Variants in ADGRL1 observed in about 807,000 individuals in gnomAD.
ADGRL1 encodes the protein CIRL-1.
Under a neutral mutation model 148.9 loss-of-function variants are expected in ADGRL1, and 31 were observed. The observed-to-expected ratio is 0.21, with a 90% CI of 0.16 to 0.28. The LOEUF is 0.28. Among genes scored for constraint, ADGRL1 ranks in the 10% least tolerant of loss-of-function variants. The pLI is 1.00. For missense variants in ADGRL1, 1,521 were observed against 2,058.8 expected (o/e 0.74, Z 5.05); for synonymous variants, 937 against 900.3 (o/e 1.04, Z -0.73).
chr19:14,159,085 C>G lies in ADGRL1; in HGVS notation c.2149+5G>C. 1 of 1,613,708 alleles carries G rather than the reference C, an allele frequency of 6.2e-7. No individual in the cohort carries two copies. The highest frequency in any genetic ancestry group is 8.5e-7 in the Non-Finnish European group (1 of 1,180,010). On this transcript the variant is annotated splice_donor_5th_base_variant and intron_variant, in intron 11 of 22. Coordinates refer to ENST00000361434, the MANE Select transcript of ADGRL1 (RefSeq NM_014921.5). This position sits in a 1 kb window ranked among gnomAD's most constrained non-coding sequence, Gnocchi z 6.0. ...CCCACCCGAGGCCCCGCCGGGGACACTGACCATTGCGGCTGTTCTGCTTGA... is the reference window on the plus strand; with the variant it reads ...CCCACCCGAGGCCCCGCCGGGGACAGTGACCATTGCGGCTGTTCTGCTTGA...
intron 1 of ADGRL1, among the ~76,000 whole-genome samples, chr19:14,204,864 A>C (rs1448955934): frequency 1.3e-5 from 2 of 152,010 alleles, no homozygotes; most frequent in Non-Finnish European, 2.9e-5. Flanking sequence ...CCCAGCTCTG[A>C]GTCCGGTGGA....
Position 14,171,022 on chromosome 19 carries a change from G to C in ADGRL1, c.285-231C>G, listed in dbSNP as rs1970427133. The C allele has an allele frequency of 2.5e-5, 12 of 478,822 alleles. 1 individual carries two copies. In the South Asian group the frequency reaches 2.6e-4, roughly 10 times the overall value. The allele number at this position is 478,822 out of a possible 1,614,324, so 29.7% of individuals were successfully genotyped here. A position where few individuals can be genotyped will look rare whatever the true frequency, so the allele number is the denominator to read the frequency against. ...GGTGGGAGGTGATTGGATCATGGGG[G>C]CAGTTTCTAATGAATGGTTTATCAC... On this transcript the variant is annotated intron_variant, in intron 3 of 22. Coordinates refer to ENST00000361434, the MANE Select transcript of ADGRL1 (RefSeq NM_014921.5).
chr19:14,176,337 T>A (rs368631737), intron 3 of ADGRL1, among the ~76,000 whole-genome samples: 1 of 152,076 alleles, frequency 6.6e-6, no homozygotes, highest in Non-Finnish European at 1.5e-5. Flanking sequence ...GGTGACAGAC[T>A]GAGACTCTGT....
At position 14,160,495 on chromosome 19, in the gene ADGRL1, G is replaced by T; in HGVS notation, c.1614+98C>A. On this transcript the variant is annotated intron_variant, in intron 7 of 22. Transcript: ENST00000361434. The surrounding 1 kb of genome is among the most constrained non-coding windows in gnomAD (Gnocchi z 5.9). ...CCCCACAGTCCTGCCTTCCAGACCTGCCAGCCCATGTCTCCCCAGCTGCTC... is the reference window on the plus strand; with the variant it reads ...CCCCACAGTCCTGCCTTCCAGACCTTCCAGCCCATGTCTCCCCAGCTGCTC... 9.9e-7 allele frequency: 1 copy of T among 1,009,144 alleles called. No individual in the cohort carries two copies. The highest frequency in any genetic ancestry group is 1.6e-5 in the African/African-American group (1 of 61,640). The allele number at this position is 1,009,144 out of a possible 1,614,324, so 62.5% of individuals were successfully genotyped here.
rs1967974244 is a variant in ADGRL1 at position 14,149,800 on chromosome 19, T to G, written c.*1073A>C. The G allele has an allele frequency of 6.6e-6, 1 of 152,236 alleles. No homozygotes were observed. Among genetic ancestry groups the G allele is most frequent in the Non-Finnish European group, 1.5e-5 (1 of 67,936 alleles). The allele number at this position is 152,236 out of a possible 1,614,324, so 9.4% of individuals were successfully genotyped here. On this transcript the variant is annotated 3_prime_UTR_variant, in exon 23 of 23. Coordinates refer to ENST00000361434, the MANE Select transcript of ADGRL1 (RefSeq NM_014921.5). Reference sequence around the variant, plus strand: ...CGCCCGCCCCGGCGGGGACTGGGGATGCACGTACACGGAGAAGTCCTGGCT... The same window carrying G: ...CGCCCGCCCCGGCGGGGACTGGGGAGGCACGTACACGGAGAAGTCCTGGCT...
intron 2 of ADGRL1, among the ~76,000 whole-genome samples, chr19:14,179,383 A>G (rs1201075267): frequency 1.3e-5 from 2 of 151,968 alleles, no homozygotes; most frequent in South Asian, 4.1e-4. Context: ...AGTCCCAGCT[A>G]CTTGGGAGGC....
Position 14,155,515 on chromosome 19 carries a change from C to T in ADGRL1, c.3138G>A (p.Leu1046=), listed in dbSNP as rs1446041086. 1 of 1,613,578 alleles carries T rather than the reference C, an allele frequency of 6.2e-7. No individual in the cohort carries two copies. Among genetic ancestry groups the T allele is most frequent in the Non-Finnish European group, 8.5e-7 (1 of 1,179,840 alleles). The part of the protein sequence containing the change: ...SRLDNIKSWA[L]GAIALLFLLG... ...GCAGGAACAGCAGCGCGATGGCCCC[C>T]AGCGCCCAGGATCTGGGAGTGGGGC... Residue 1046 remains leucine (L), a synonymous_variant, in exon 18 of 23, where the codon CTG becomes CTA. Transcript: ENST00000361434. The surrounding 1 kb of genome is among the most constrained non-coding windows in gnomAD (Gnocchi z 5.0).
chr19:14,197,043 A>G (rs558831013), intron 1 of ADGRL1, among the ~76,000 whole-genome samples: 21 of 152,286 alleles, frequency 1.4e-4, no homozygotes, highest in Admixed American at 5.2e-4. Context: ...TGGGAGACCA[A>G]TGCAGAATTG....
intron 3 of ADGRL1, among the ~76,000 whole-genome samples, chr19:14,172,216 G>C (rs1434586139): frequency 1.3e-5 from 2 of 152,198 alleles, no homozygotes; most frequent in Admixed American, 1.3e-4. Context: ...GATGTCAGAA[G>C]TTTGAAACCA....
At chr19:14,174,287 C>A (rs1379951443) in intron 3 of ADGRL1, among the ~76,000 whole-genome samples, 1 of 152,162 alleles carries the variant, frequency 6.6e-6, no homozygotes, top group Non-Finnish European at 1.5e-5. Flanking sequence ...AAGGCTAGAG[C>A]CTGGACTGGG....
chr19:14,152,706 C>T lies in ADGRL1; in HGVS notation c.3423+78G>A. The T allele has an allele frequency of 6.3e-7, 1 of 1,599,608 alleles. No homozygotes were observed. Among genetic ancestry groups the T allele is most frequent in the Non-Finnish European group, 8.6e-7 (1 of 1,168,778 alleles). ...CTCACCTGATCATCACGATCAGAAA[C>T]CTAGGCCAAGCCACTCCCCACCTCT... On this transcript the variant is annotated intron_variant, in intron 19 of 22. Coordinates refer to ENST00000361434, the MANE Select transcript of ADGRL1 (RefSeq NM_014921.5). This position sits in a 1 kb window ranked among gnomAD's most constrained non-coding sequence, Gnocchi z 6.1.
chr19:14,151,186 G>C lies in ADGRL1; in HGVS notation c.4097C>G (p.Thr1366Ser). The C allele has an allele frequency of 1.2e-6, 2 of 1,610,616 alleles. No individual in the cohort carries two copies. Among genetic ancestry groups the C allele is most frequent in the Admixed American group, 1.7e-5 (1 of 59,866 alleles). The change falls in exon 23 of 23, where the codon ACC becomes AGC. Residue 1366 changes from threonine to serine, a missense_variant. Transcript: ENST00000361434. ...AGGAGGGGAGGAGAGGGGCCGGCTG[G>C]TGGCGCCGTCCTCGGCCGTGCAGCT... ...SESCTAEDGA[T>S]SRPLSSPPGR...
At position 14,152,078 on chromosome 19, in the gene ADGRL1, ACTGT is replaced by A. The variant is rs1162334068; in HGVS notation, c.3667+51_3667+54del. On this transcript the variant is annotated intron_variant, in intron 22 of 22. Coordinates refer to ENST00000361434, the MANE Select transcript of ADGRL1 (RefSeq NM_014921.5). This position sits in a 1 kb window ranked among gnomAD's most constrained non-coding sequence, Gnocchi z 6.1. The stretch of plus-strand genomic sequence containing the variant: ...TTAAGTGAGGCCGTCTGAGAAGGCC[ACTGT>A]CTGTCCCTCTCCCAGCCTCAGAAAC... The A allele has an allele frequency of 3.9e-6, 6 of 1,550,484 alleles. No homozygotes were observed. The highest frequency in any genetic ancestry group is 4.5e-6 in the Non-Finnish European group (5 of 1,122,018).
At position 14,158,009 on chromosome 19, in the gene ADGRL1, G is replaced by A; in HGVS notation, c.2408C>T (p.Ser803Leu). Residue 803 changes from serine to leucine, a missense_variant, in exon 13 of 23, where the codon TCG becomes TTG. By Grantham distance (145) the Ser-to-Leu change is moderately radical (BLOSUM62 -2). Coordinates refer to ENST00000361434, the MANE Select transcript of ADGRL1 (RefSeq NM_014921.5). ...CCAGTAGCCCAGCATGGAACGCTCC[G>A]AGTAGTTCCAGAAGGAGCAGTTAGC... Reference protein sequence around the residue: ...FNANCSFWNYSERSMLGYWST... With the variant: ...FNANCSFWNYLERSMLGYWST... The A allele has an allele frequency of 4.3e-6, 7 of 1,614,184 alleles. No individual in the cohort carries two copies. The highest frequency in any genetic ancestry group is 5.1e-6 in the Non-Finnish European group (6 of 1,180,016).
At chr19:14,158,198 TG>T in intron 12 of ADGRL1, 139 bp downstream of exon 12, 1 of 1,209,904 alleles carries the variant, frequency 8.3e-7, no homozygotes, top group South Asian at 1.4e-5. Context: ...CTGAGAGCTC[TG>T]GGGACAAATG....
intron 2 of ADGRL1, among the ~76,000 whole-genome samples, chr19:14,180,877 G>A (rs1971143783): frequency 6.6e-6 from 1 of 151,948 alleles, no homozygotes; most frequent in Non-Finnish European, 1.5e-5. Context: ...GTATCCTTTT[G>A]ATGTAATAAA....
chr19:14,191,546 C>T (rs1352530049), intron 1 of ADGRL1: 19 of 434,372 alleles, frequency 4.4e-5, no homozygotes, highest in Admixed American at 4.1e-4. Flanking sequence ...CAGAAATTTA[C>T]TTCCTCCTAG....
In ADGRL1 at chr19:14,163,251, C is replaced by CA. The variant is rs1969589389; in HGVS notation, c.549dup (p.Glu184Ter). On this transcript the variant is annotated frameshift_variant, in exon 5 of 23. Transcript: ENST00000361434. LOFTEE classifies it high-confidence loss of function. ...ACGTAGTCCTCCCACGAGGCATACTCAGTCAGTGTGTCCGTGCGGTAGGGG... is the reference window on the plus strand; with the variant it reads ...ACGTAGTCCTCCCACGAGGCATACTCAAGTCAGTGTGTCCGTGCGGTAGGGG... 6.2e-7 allele frequency: 1 copy of CA among 1,613,634 alleles called. No homozygotes were observed. The highest frequency in any genetic ancestry group is 1.3e-5 in the African/African-American group (1 of 74,932).
intron 1 of ADGRL1, among the ~76,000 whole-genome samples, chr19:14,204,713 T>TGAGAGTGA (rs1555693817): frequency 3.5e-5 from 5 of 142,890 alleles, no homozygotes; most frequent in Non-Finnish European, 1.5e-5. Context: ...ACAGAGAGAG[T>TGAGAGTGA]GAGAGAGAGA....
Sources: allele counts gnomAD v4.1 joint callset (sites outside exome capture counted in the v4.1 genomes callset), GRCh38; gene constraint gnomAD v4.1.1; non-coding constraint Gnocchi (gnomAD v3.1); transcripts MANE v1.5; gene names NCBI Gene and HGNC (gene_info 2026-07-23, HGNC 2026-07-21).